KLF8: variants seen among roughly 807,000 people sequenced by gnomAD.
KLF8 encodes the protein Krueppel-like factor 8.
KLF8 carries 10 observed loss-of-function variants against 18.2 expected under a neutral mutation model. The ratio of observed to expected loss-of-function variants is 0.55; its 90% CI spans 0.34 to 0.93. The LOEUF (loss-of-function observed/expected upper bound fraction) is 0.93. Among genes scored for constraint, KLF8 ranks in the 40% least tolerant of loss-of-function variants. KLF8 has a pLI of 0.02. For missense variants in KLF8, 264 were observed against 277.9 expected, an observed-to-expected ratio of 0.95 and a Z score of 0.36; for synonymous variants, 109 against 97.3, an observed-to-expected ratio of 1.12 and a Z score of -0.71.
the KLF8 span, among the ~76,000 whole-genome samples, chrX:56,047,220 T>C: frequency 1.8e-5 from 2 of 110,808 alleles, no homozygotes; most frequent in Non-Finnish European, 3.8e-5. Flanking sequence ...TGTGATGTTT[T>C]TTTTTATTTA....
the KLF8 span, among the ~76,000 whole-genome samples, chrX:56,124,611 G>C: frequency 2.7e-5 from 3 of 111,518 alleles, no homozygotes; most frequent in African/African-American, 9.8e-5. Context: ...TCATTGCCAA[G>C]GGATTTTTCT....
chrX:55,997,275 C>T, the KLF8 span, among the ~76,000 whole-genome samples: 2 of 111,933 alleles, frequency 1.8e-5, no homozygotes, highest in Non-Finnish European at 3.8e-5. Context: ...CATCATTAGC[C>T]AGTGCGGATG....
the KLF8 span, among the ~76,000 whole-genome samples, chrX:56,128,935 G>A: frequency 4.8e-5 from 5 of 103,873 alleles, no homozygotes; most frequent in African/African-American, 1.7e-4. Flanking sequence ...TGAAAATTGA[G>A]TGTCTGCAAT....
At chrX:55,966,264 A>G in the KLF8 span, among the ~76,000 whole-genome samples, 2 of 112,362 alleles carry the variant, frequency 1.8e-5, no homozygotes, top group Non-Finnish European at 3.8e-5. Flanking sequence ...CATTAGGAAA[A>G]CATAAGCATT....
At chrX:56,053,423 G>A in the KLF8 span, among the ~76,000 whole-genome samples, 1 of 111,086 alleles carries the variant, frequency 9.0e-6, no homozygotes, top group Non-Finnish European at 1.9e-5. Context: ...TCAGTGTTTT[G>A]TTGAAGATAT....
the KLF8 span, among the ~76,000 whole-genome samples, chrX:56,057,592 T>G: frequency 9.0e-6 from 1 of 111,333 alleles, no homozygotes; most frequent in Admixed American, 9.5e-5. Context: ...GAAGCCATGA[T>G]GCAGGTCCCT....
the KLF8 span, among the ~76,000 whole-genome samples, chrX:56,129,840 G>T: frequency 9.0e-6 from 1 of 111,168 alleles, no homozygotes; most frequent in South Asian, 3.9e-4. Flanking sequence ...GGGCACGGTG[G>T]GAGTGAGACT....
chrX:56,140,982 G>GT, the KLF8 span, among the ~76,000 whole-genome samples: 4 of 110,713 alleles, frequency 3.6e-5, no homozygotes, highest in East Asian at 2.8e-4. Context: ...ACAATTTTTT[G>GT]TTTTTTGTAG....
chrX:55,991,274 G>A, the KLF8 span, among the ~76,000 whole-genome samples: 1,302 of 112,148 alleles, frequency 0.012, 4 homozygotes, highest in Middle Eastern at 0.019. Flanking sequence ...AGCAATGAGC[G>A]AGGCTCTGTG....
At chrX:56,112,336 G>T in the KLF8 span, among the ~76,000 whole-genome samples, 1 of 111,238 alleles carries the variant, frequency 9.0e-6, no homozygotes, top group Non-Finnish European at 1.9e-5. Context: ...CTGCCATGGA[G>T]TGGGGGGCTG....
At chrX:56,041,217 G>A in the KLF8 span, among the ~76,000 whole-genome samples, 2 of 108,798 alleles carry the variant, frequency 1.8e-5, no homozygotes, top group African/African-American at 3.3e-5. Context: ...CTCCACTCCC[G>A]GGTTCAAGCG....
chrX:55,929,861 C>T, the KLF8 span, among the ~76,000 whole-genome samples: 33 of 105,607 alleles, frequency 3.1e-4, no homozygotes, highest in East Asian at 3.0e-3. Context: ...CTTGACTATA[C>T]GGGCTCTTTT....
At chrX:56,220,022 A>AT in the KLF8 span, among the ~76,000 whole-genome samples, 1 of 112,139 alleles carries the variant, frequency 8.9e-6, no homozygotes, top group South Asian at 3.7e-4. Flanking sequence ...GAAGTAATGC[A>AT]TGTATAGTGC....
chrX:56,202,559 TC>T, the KLF8 span, among the ~76,000 whole-genome samples: 127 of 75,834 alleles, frequency 1.7e-3, 1 homozygote, highest in African/African-American at 4.9e-3. Context: ...CCATTAACCT[TC>T]CCCCCCCCTC....
the KLF8 span, among the ~76,000 whole-genome samples, chrX:55,987,887 G>T: frequency 9.0e-6 from 1 of 111,439 alleles, no homozygotes; most frequent in Non-Finnish European, 1.9e-5. Flanking sequence ...TTTAACGATC[G>T]CCATTCTAAC....
the KLF8 span, among the ~76,000 whole-genome samples, chrX:56,178,587 A>T: frequency 8.9e-6 from 1 of 112,136 alleles, no homozygotes; most frequent in East Asian, 2.8e-4. Flanking sequence ...GAATTGGCTC[A>T]GTTTTCTTCT....
the KLF8 span, among the ~76,000 whole-genome samples, chrX:55,998,233 G>A: frequency 4.7e-3 from 522 of 110,543 alleles, 2 homozygotes; most frequent in Non-Finnish European, 6.5e-3. Context: ...GCCCAGGGAC[G>A]GGCAGGAGAC....
the KLF8 span, among the ~76,000 whole-genome samples, chrX:55,928,747 C>T: frequency 4.4e-5 from 5 of 112,416 alleles, no homozygotes; most frequent in East Asian, 5.5e-4. Flanking sequence ...ATATGTGCCA[C>T]ATTTGCTTTA....
chrX:55,949,342 TGTGTGTGTGTGTGTGTGTGTGTG>T, the KLF8 span, among the ~76,000 whole-genome samples: 1 of 75,506 alleles, frequency 1.3e-5, no homozygotes, highest in African/African-American at 2.4e-4. Context: ...GCTGTGTGTG[TGTGTGTGTGTGTGTGTGTGTGTG>T]TGTGTGTGTG....
Sources: gnomAD v4.1 joint callset for allele counts (sites outside exome capture counted in the v4.1 genomes callset) on GRCh38, gnomAD v4.1.1 for gene constraint, MANE v1.5 for transcripts, NCBI Gene and HGNC (gene_info 2026-07-23, HGNC 2026-07-21) for gene names.